EIF3B: variants seen among roughly 807,000 people sequenced by gnomAD.
EIF3B encodes eukaryotic translation initiation factor 3 subunit B, also known as eukaryotic translation initiation factor 3 subunit 9.
In EIF3B, 10 loss-of-function variants were observed where a neutral mutation model predicts 104.6. That is an observed-to-expected ratio of 0.10 (90% CI 0.06 to 0.16). EIF3B has a LOEUF of 0.16. Among genes scored for constraint, EIF3B ranks in the 10% least tolerant of loss-of-function variants. EIF3B has a pLI of 1.00. For missense variants in EIF3B, 1,014 were observed against 1,087.9 expected (o/e 0.93, Z 0.96); for synonymous variants, 542 against 417.2 (o/e 1.30, Z -3.65).
chr7:2,380,170 G>T (rs973169298), intron 18 of EIF3B, 34 bp from the exon 19 acceptor site: 1 of 341,124 alleles, frequency 2.9e-6, no homozygotes, highest in Non-Finnish European at 5.8e-6. Context: ...TTTTGAGGTG[G>T]TGCCGTTTAG....
intron 5 of EIF3B, 78 bp from the exon 6 acceptor site, chr7:2,364,294 T>TAGGATAA: frequency 1.5e-6 from 2 of 1,315,404 alleles, no homozygotes; most frequent in Non-Finnish European, 2.1e-6. Flanking sequence ...AGATTCATTG[T>TAGGATAA]AGGATAAATT....
rs1350744799 is a variant in EIF3B at position 2,377,038 on chromosome 7, C to T, written c.2117C>T (p.Pro706Leu). The T allele has an allele frequency of 1.2e-6, 2 of 1,613,576 alleles. No homozygotes were observed. Among genetic ancestry groups the T allele is most frequent in the Admixed American group, 1.7e-5 (1 of 60,000 alleles). ...KDRFCQLLWRPRPPTLLSQEQ... is the reference protein window; with the variant it reads ...KDRFCQLLWRLRPPTLLSQEQ... ...CGCTTCTGCCAGCTGCTGTGGCGGC[C>T]CCGGCCTCCCACACTCCTGAGCCAG... is the stretch of plus-strand genomic sequence containing the variant. Residue 706 changes from proline (P) to leucine (L), a missense_variant, in exon 15 of 19, where the codon CCC (proline) becomes CTC (leucine). Physicochemically the swap from Pro to Leu is moderately conservative, Grantham distance 98. Transcript: ENST00000360876.
chr7:2,374,762 G>A, intron 13 of EIF3B, 156 bp downstream of exon 13: 1 of 628,632 alleles, frequency 1.6e-6, no homozygotes, highest in Non-Finnish European at 2.7e-6. Flanking sequence ...TTGAACCTCT[G>A]CAGACCCACG....
At chr7:2,359,360 T>C (rs1338993137) in intron 1 of EIF3B, among the ~76,000 whole-genome samples, 1 of 151,962 alleles carries the variant, frequency 6.6e-6, no homozygotes, top group African/African-American at 2.4e-5. Context: ...GGAAGAGGGC[T>C]GAAAGTTGAG....
chr7:2,359,640 C>G (rs180961490), intron 1 of EIF3B, among the ~76,000 whole-genome samples: 1 of 152,258 alleles, frequency 6.6e-6, no homozygotes, highest in East Asian at 1.9e-4. Context: ...ACCCAAGAAG[C>G]GAGGGATAGT....
intron 6 of EIF3B, among the ~76,000 whole-genome samples, chr7:2,364,934 G>A (rs1293445496): frequency 6.6e-6 from 1 of 152,144 alleles, no homozygotes; most frequent in African/African-American, 2.4e-5. Flanking sequence ...TTCAGTTCAG[G>A]ATCTAGTCTA....
chr7:2,372,056 A>T (rs866079983), intron 11 of EIF3B: 2 of 537,364 alleles, frequency 3.7e-6, no homozygotes, highest in Non-Finnish European at 6.7e-6. Flanking sequence ...AAATAAAAAA[A>T]ATTAGCCAGG....
Position 2,368,856 on chromosome 7 carries a change from C to G in EIF3B, c.1404-616C>G, listed in dbSNP as rs538573497. Reference sequence around the variant, plus strand: ...CCAAGGACATTGACGTTTCTTCTTTCGTTTTTACATTCTTGGGCAAAATTA... The same window carrying G: ...CCAAGGACATTGACGTTTCTTCTTTGGTTTTTACATTCTTGGGCAAAATTA... On this transcript the variant is annotated intron_variant, in intron 9 of 18. Coordinates refer to ENST00000360876, the MANE Select transcript of EIF3B (RefSeq NM_001037283.2). Among the ~76,000 whole-genome samples, 106 of 152,314 alleles carry G rather than the reference C, an allele frequency of 7.0e-4. 1 individual carries two copies. In the South Asian group the frequency reaches 0.011, roughly 16 times the overall value.
chr7:2,380,062 T>C (rs1358561174), intron 18 of EIF3B, 142 bp from the exon 19 acceptor site: 4 of 288,340 alleles, frequency 1.4e-5, no homozygotes, highest in Admixed American at 9.2e-5. Flanking sequence ...CATGAGCGAG[T>C]AGGGGTGGCA....
chr7:2,370,790 A>G lies in EIF3B; in HGVS notation c.1615-987A>G, dbSNP rs574003630. On this transcript the variant is annotated intron_variant, in intron 10 of 18. Transcript: ENST00000360876. ...CACAGATAATTTTTAAAAGATAGGA[A>G]AAAGGCCGGGCACGGTGGCTCACGC... 3.7e-4 allele frequency among the ~76,000 whole-genome samples: 57 copies of G among 152,164 alleles called. 1 individual carries two copies. The highest frequency in any genetic ancestry group is 3.1e-3 in the Admixed American group (47 of 15,284).
intron 8 of EIF3B, 80 bp from the exon 9 acceptor site, chr7:2,366,919 T>G (rs1168863474): frequency 4.8e-6 from 7 of 1,458,934 alleles, no homozygotes; most frequent in Non-Finnish European, 6.7e-6. Context: ...GACTCTTGTT[T>G]CCTTTTGTAA....
At chr7:2,379,962 C>T (rs1021570981) in intron 18 of EIF3B, 13 of 250,170 alleles carry the variant, frequency 5.2e-5, no homozygotes, top group African/African-American at 3.0e-4. Context: ...TCCTGGGGGC[C>T]TCCGCGCCTC....
intron 2 of EIF3B, 109 bp from the exon 3 acceptor site, chr7:2,362,536 C>A (rs1207741872): frequency 1.4e-6 from 2 of 1,395,444 alleles, no homozygotes; most frequent in Non-Finnish European, 2.0e-6. Context: ...AAGAGCAGCA[C>A]AGATACTCCT....
chr7:2,378,807 C>T (rs540192136), intron 16 of EIF3B, 41 bp downstream of exon 16: 20 of 1,564,566 alleles, frequency 1.3e-5, no homozygotes, highest in South Asian at 1.0e-4. Flanking sequence ...CTGTGACATC[C>T]GCCATCATGG....
intron 9 of EIF3B, among the ~76,000 whole-genome samples, chr7:2,367,577 C>A (rs1306863440): frequency 6.6e-6 from 1 of 152,118 alleles, no homozygotes; most frequent in East Asian, 1.9e-4. Context: ...TCAAGTGATT[C>A]TTCTGCCTCA....
intron 12 of EIF3B, chr7:2,372,999 G>A (rs560225212): frequency 1.1e-4 from 50 of 437,708 alleles, no homozygotes; most frequent in Non-Finnish European, 1.7e-4. Context: ...TCTGAGCCCC[G>A]TTGAGCCCTC....
chr7:2,370,243 G>A (rs776779109), intron 10 of EIF3B, among the ~76,000 whole-genome samples: 14 of 152,062 alleles, frequency 9.2e-5, no homozygotes, highest in Non-Finnish European at 1.6e-4. Context: ...TTGGGAGGCC[G>A]AGGTGGGCGG....
At chr7:2,360,376 A>G (rs1779663621) in intron 1 of EIF3B, among the ~76,000 whole-genome samples, 1 of 152,228 alleles carries the variant, frequency 6.6e-6, no homozygotes, top group African/African-American at 2.4e-5. Context: ...GGAAGATCTA[A>G]TAGTGGATAT....
At chr7:2,369,122 G>A (rs745866844) in intron 9 of EIF3B, among the ~76,000 whole-genome samples, 4 of 152,122 alleles carry the variant, frequency 2.6e-5, no homozygotes, top group South Asian at 2.1e-4. Flanking sequence ...AGCCAGATCC[G>A]TCAGCCTAAA....
Sources: gnomAD v4.1 joint callset for allele counts (sites outside exome capture counted in the v4.1 genomes callset) on GRCh38, gnomAD v4.1.1 for gene constraint, MANE v1.5 for transcripts, NCBI Gene and HGNC (gene_info 2026-07-23, HGNC 2026-07-21) for gene names.